PRDM10: variants seen among roughly 807,000 people sequenced by gnomAD.
PRDM10 encodes PR/SET domain 10, also known as PR domain zinc finger protein 10.
Under a neutral mutation model 133.1 loss-of-function variants are expected in PRDM10, and 65 were observed. The ratio of observed to expected loss-of-function variants is 0.49; its 90% CI spans 0.40 to 0.60. The LOEUF (loss-of-function observed/expected upper bound fraction) is 0.60. Ranked by LOEUF, PRDM10 falls within the 20% of genes least tolerant of loss-of-function variation. The pLI is 0.00. For synonymous variants in PRDM10, 582 were observed against 580.4 expected (o/e 1.00, Z -0.04); for missense variants, 1,137 against 1,507.1 (o/e 0.75, Z 4.07).
Position 129,900,534 on chromosome 11 carries a change from T to A in PRDM10, c.*1779A>T, listed in dbSNP as rs1294943922. On this transcript the variant is annotated 3_prime_UTR_variant, in exon 21 of 21. Transcript: ENST00000360871. ...GAAGGGAGGGGAGATACCTTATGGT[T>A]CAAATTAAAAAGAACGTAACAGGGC... The A allele has an allele frequency of 6.6e-6, 1 of 152,600 alleles. No homozygotes were observed. Among genetic ancestry groups the A allele is most frequent in the Middle Eastern group, 3.2e-3 (1 of 316 alleles). 9.5% of individuals were successfully genotyped at this position (152,600 alleles called of 1,614,324 possible).
chr11:129,905,556 A>AT, intron 20 of PRDM10, 82 bp downstream of exon 20: 2 of 1,039,054 alleles, frequency 1.9e-6, no homozygotes, highest in Non-Finnish European at 3.0e-6. Flanking sequence ...TAAGCCAATC[A>AT]TTACGAGATA....
At chr11:129,985,809 A>T (rs12794817) in intron 1 of PRDM10, among the ~76,000 whole-genome samples, 2,246 of 59,796 alleles carry the variant, frequency 0.038, 66 homozygotes, top group East Asian at 0.081. Context: ...AAAAAAAAAA[A>T]ATATATATAT....
chr11:130,002,771 C>A lies in PRDM10; in HGVS notation c.-168G>T. On this transcript the variant is annotated 5_prime_UTR_variant, in exon 1 of 21. Transcript: ENST00000360871. The stretch of plus-strand genomic sequence containing the variant: ...AAGATCAGCGGGTCCCCGATCCTCT[C>A]TCCCTAGGGGTGATAGAAATCAACC... 6.0e-6 allele frequency: 1 copy of A among 167,754 alleles called. No homozygotes were observed. The highest frequency in any genetic ancestry group is 1.3e-5 in the Non-Finnish European group (1 of 76,352). The allele number at this position is 167,754 out of a possible 1,614,324, so 10.4% of individuals were successfully genotyped here. A position where few individuals can be genotyped will look rare whatever the true frequency, so the allele number is the denominator to read the frequency against.
intron 1 of PRDM10, among the ~76,000 whole-genome samples, chr11:129,967,336 A>C (rs1007325208): frequency 6.6e-6 from 1 of 152,180 alleles, no homozygotes; most frequent in African/African-American, 2.4e-5. Context: ...GGTTGCAGTG[A>C]GCTGAGGTTG....
rs1951780931 is a variant in PRDM10, at chr11:129,960,772, G to A, written c.69+124C>T. 47 of 938,930 alleles carry A rather than the reference G, an allele frequency of 5.0e-5. 2 individuals carry two copies. The highest frequency in any genetic ancestry group is 5.0e-4 in the South Asian group (33 of 65,938). The allele number at this position is 938,930 out of a possible 1,614,324, so 58.2% of individuals were successfully genotyped here. A position where few individuals can be genotyped will look rare whatever the true frequency, so the allele number is the denominator to read the frequency against. On this transcript the variant is annotated intron_variant, in intron 2 of 20. Transcript: ENST00000360871. ...AAAACAGTCCCTATTCCTTGTGTAC[G>A]AGTTCTTCATGTCGGCTCCTAACGA...
At chr11:129,941,638 C>A (rs1431151945) in intron 7 of PRDM10, among the ~76,000 whole-genome samples, 1 of 152,198 alleles carries the variant, frequency 6.6e-6, no homozygotes, top group African/African-American at 2.4e-5. Context: ...TAGAAATCGT[C>A]TGAGTGCCCA....
chr11:129,955,303 T>C (rs1034737494), intron 4 of PRDM10, among the ~76,000 whole-genome samples: 3 of 152,256 alleles, frequency 2.0e-5, no homozygotes, highest in African/African-American at 7.2e-5. Context: ...ACAAATCACT[T>C]TCTATTATCA....
chr11:129,912,437 T>C (rs1368255875), intron 17 of PRDM10, among the ~76,000 whole-genome samples: 1 of 151,898 alleles, frequency 6.6e-6, no homozygotes, highest in African/African-American at 2.4e-5. Context: ...AAACCCTGTC[T>C]CTACAAAAAA....
rs1949802845 is a variant in PRDM10, at chr11:129,900,044, A to G, written c.*2269T>C. 6.6e-6 allele frequency: 1 copy of G among 152,648 alleles called. No individual in the cohort carries two copies. Among genetic ancestry groups the G allele is most frequent in the Non-Finnish European group, 1.5e-5 (1 of 68,044 alleles). 9.5% of individuals were successfully genotyped at this position (152,648 alleles called of 1,614,324 possible). A position where few individuals can be genotyped will look rare whatever the true frequency, so the allele number is the denominator to read the frequency against. On this transcript the variant is annotated 3_prime_UTR_variant, in exon 21 of 21. Coordinates refer to ENST00000360871, the MANE Select transcript of PRDM10 (RefSeq NM_199437.2). The stretch of plus-strand genomic sequence containing the variant: ...GGTACAAATCAATGATAAAAACAAA[A>G]TCTACATCCAACCTACTCCAAAATA...
Position 129,906,099 on chromosome 11 carries a change from C to T in PRDM10, c.3164-358G>A, listed in dbSNP as rs1591564984. Among the ~76,000 whole-genome samples the T allele has an allele frequency of 2.6e-5, 4 of 152,220 alleles. No homozygotes were observed. In the South Asian group the frequency reaches 6.2e-4, roughly 24 times the overall value. On this transcript the variant is annotated intron_variant, in intron 19 of 20. Transcript: ENST00000360871. ...TTTGAATTTGTGACACAAATGTATC[C>T]ACACTTGGCAATTATAATTTAATCC...
At chr11:129,933,548 A>G (rs1565474963) in intron 9 of PRDM10, among the ~76,000 whole-genome samples, 1 of 152,220 alleles carries the variant, frequency 6.6e-6, no homozygotes. Flanking sequence ...ATATCTAGTC[A>G]AAGTTCAAAT....
At position 129,924,995 on chromosome 11, in the gene PRDM10, A is replaced by C; in HGVS notation, c.1765T>G (p.Cys589Gly). 6.2e-7 allele frequency: 1 copy of C among 1,614,186 alleles called. No individual in the cohort carries two copies. The highest frequency in any genetic ancestry group is 8.5e-7 in the Non-Finnish European group (1 of 1,180,024). The change falls in exon 12 of 21, where the codon TGC (cysteine) becomes GGC (glycine). Residue 589 changes from cysteine to glycine, a missense_variant. Physicochemically the swap from Cys to Gly is radical, Grantham distance 159 (BLOSUM62 -3). Coordinates refer to ENST00000360871, the MANE Select transcript of PRDM10 (RefSeq NM_199437.2). The stretch of plus-strand genomic sequence containing the variant: ...TCAAGGCGGTCAAAGGATTCTGGGC[A>C]AAAAATGCAAGAGTAAGTCTTCTGG... The part of the protein sequence containing the change: ...SDQKTYSCIF[C>G]PESFDRLDLL...
Position 129,923,687 on chromosome 11 carries a change from A to AGAGAGAGAGAGAGAGAGG in PRDM10, c.1879-285_1879-284insCCTCTCTCTCTCTCTCTC, listed in dbSNP as rs1565464200. ...GAGAGAGAGAGAGAGAGAGAGAGAG[A>AGAGAGAGAGAGAGAGAGG]GAGAGAGTGCTTGCTTGGTCAAAGC... On this transcript the variant is annotated intron_variant, in intron 12 of 20. Transcript: ENST00000360871. This position sits in a 1 kb window ranked among gnomAD's most constrained non-coding sequence, Gnocchi z 4.4. 3.0e-4 allele frequency among the ~76,000 whole-genome samples: 44 copies of AGAGAGAGAGAGAGAGAGG among 145,300 alleles called. 1 individual carries two copies. The highest frequency in any genetic ancestry group is 1.2e-3 in the African/African-American group (44 of 37,836).
At position 129,988,170 on chromosome 11, in the gene PRDM10, GAC is replaced by G. The variant is rs371891085; in HGVS notation, c.-119+14550_-119+14551del. Among the ~76,000 whole-genome samples the G allele has an allele frequency of 5.3e-3, 799 of 152,058 alleles. 3 individuals are homozygous for G. Among genetic ancestry groups the G allele is most frequent in the Non-Finnish European group, 7.9e-3 (534 of 67,972 alleles). On this transcript the variant is annotated intron_variant, in intron 1 of 20. Coordinates refer to ENST00000360871, the MANE Select transcript of PRDM10 (RefSeq NM_199437.2). ...AATTTGCAGAATAAGCAAATTAATAGACACAAAAAATAAACAGTGGTTGCCTA... is the reference window on the plus strand; with the variant it reads ...AATTTGCAGAATAAGCAAATTAATAGACAAAAAATAAACAGTGGTTGCCTA...
chr11:129,913,046 C>A (rs191941701), intron 17 of PRDM10, among the ~76,000 whole-genome samples: 5 of 130,428 alleles, frequency 3.8e-5, no homozygotes, highest in Non-Finnish European at 7.9e-5. Flanking sequence ...GGCAACAGAG[C>A]GAGACTCCAT....
intron 17 of PRDM10, among the ~76,000 whole-genome samples, chr11:129,913,219 C>CATA: frequency 1.3e-5 from 1 of 78,860 alleles, no homozygotes; most frequent in South Asian, 4.4e-4. Flanking sequence ...ACCCTGTCTC[C>CATA]AAAAAAAAAA....
At chr11:129,924,731 A>T in intron 12 of PRDM10, 151 bp downstream of exon 12, 1 of 658,964 alleles carries the variant, frequency 1.5e-6, no homozygotes, top group Non-Finnish European at 2.6e-6. Context: ...GTATAAAAGT[A>T]GTTTGATTGA....
chr11:129,922,265 T>C (rs1394222123), intron 13 of PRDM10, among the ~76,000 whole-genome samples: 1 of 152,116 alleles, frequency 6.6e-6, no homozygotes, highest in Non-Finnish European at 1.5e-5. Flanking sequence ...TGGCACAAAA[T>C]GAAAAATCAA....
At chr11:129,925,286 T>A in intron 11 of PRDM10, 57 bp from the exon 12 acceptor site, 1 of 1,466,314 alleles carries the variant, frequency 6.8e-7, no homozygotes, top group Non-Finnish European at 9.2e-7. Context: ...TGCAACTGGA[T>A]CACACTTTTA....
Sources: allele counts gnomAD v4.1 joint callset (sites outside exome capture counted in the v4.1 genomes callset), GRCh38; gene constraint gnomAD v4.1.1; non-coding constraint Gnocchi (gnomAD v3.1); transcripts MANE v1.5; gene names NCBI Gene and HGNC (gene_info 2026-07-23, HGNC 2026-07-21).